FDFT1: variants seen among roughly 807,000 people sequenced by gnomAD.
FDFT1 encodes farnesyl-diphosphate farnesyltransferase 1.
A neutral mutation model predicts 46.8 loss-of-function variants in FDFT1; 68 were observed. That is an observed-to-expected ratio of 1.45 (90% CI 1.19 to 1.78). The LOEUF (loss-of-function observed/expected upper bound fraction) is 1.78, where lower values mean the gene tolerates loss of function less well. Among genes scored for constraint, FDFT1 ranks in the 40% most tolerant of loss-of-function variants. The pLI is 0.00. For missense variants in FDFT1, 928 were observed against 524.4 expected, an observed-to-expected ratio of 1.77 and a Z score of -7.52; for synonymous variants, 351 against 185.1, an observed-to-expected ratio of 1.90 and a Z score of -7.28.
chr8:11,821,142 G>C (rs1809181261), intron 3 of FDFT1, among the ~76,000 whole-genome samples: 1 of 152,172 alleles, frequency 6.6e-6, no homozygotes, highest in African/African-American at 2.4e-5. Context: ...TAAACAAGCT[G>C]TTCTCCCAAA....
chr8:11,802,817 C>A lies in FDFT1; in HGVS notation c.-16C>A. On this transcript the variant is annotated 5_prime_UTR_variant, in exon 1 of 8. Coordinates refer to ENST00000220584, the MANE Select transcript of FDFT1 (RefSeq NM_004462.5). ...GAGGTGAGAGTCGCGCCCGGGAGTC[C>A]GCCGCCTGCGCCAGGATGGAGTTCG... 1 of 1,597,876 alleles carries A rather than the reference C, an allele frequency of 6.3e-7. No homozygotes were observed. Among genetic ancestry groups the A allele is most frequent in the Non-Finnish European group, 8.5e-7 (1 of 1,170,766 alleles).
chr8:11,835,866 G>C (rs1313268226), intron 7 of FDFT1, among the ~76,000 whole-genome samples: 1 of 147,976 alleles, frequency 6.8e-6, no homozygotes, highest in African/African-American at 2.5e-5. Flanking sequence ...GAGCATGGTG[G>C]CTGATGCCTC....
chr8:11,838,435 G>A lies in FDFT1; in HGVS notation c.1080G>A (p.Arg360=). ...PDSDPSSSKT[R]QIISTIRTQN... is the part of the protein sequence containing the mutation. Reference sequence around the variant, plus strand: ...CAGACCCATCTTCTAGCAAAACAAGGCAGATCATCTCCACCATCCGGACGC... The same window carrying A: ...CAGACCCATCTTCTAGCAAAACAAGACAGATCATCTCCACCATCCGGACGC... The change falls in exon 8 of 8, where the codon AGG becomes AGA. Residue 360 remains arginine (R), a synonymous_variant. Coordinates refer to ENST00000220584, the MANE Select transcript of FDFT1 (RefSeq NM_004462.5). The A allele has an allele frequency of 6.2e-7, 1 of 1,612,126 alleles. No individual in the cohort carries two copies. Among genetic ancestry groups the A allele is most frequent in the Non-Finnish European group, 8.5e-7 (1 of 1,179,240 alleles).
chr8:11,836,371 C>T (rs935652646), intron 7 of FDFT1, among the ~76,000 whole-genome samples: 1 of 152,238 alleles, frequency 6.6e-6, no homozygotes, highest in Non-Finnish European at 1.5e-5. Context: ...CTGGACCTTG[C>T]CTTCTGCTCC....
chr8:11,806,332 G>C (rs1806828810), intron 1 of FDFT1, among the ~76,000 whole-genome samples: 1 of 152,168 alleles, frequency 6.6e-6, no homozygotes, highest in African/African-American at 2.4e-5. Flanking sequence ...GAATCAAGCA[G>C]TAGAAATTTT....
At chr8:11,822,485 C>T (rs1809398065) in intron 4 of FDFT1, among the ~76,000 whole-genome samples, 1 of 152,174 alleles carries the variant, frequency 6.6e-6, no homozygotes, top group Non-Finnish European at 1.5e-5. Context: ...CCTAAGTTAA[C>T]AGCATACAAT....
intron 3 of FDFT1, among the ~76,000 whole-genome samples, chr8:11,819,875 G>A (rs1385593248): frequency 6.6e-6 from 1 of 152,126 alleles, no homozygotes; most frequent in Non-Finnish European, 1.5e-5. Flanking sequence ...TGTCCATCCA[G>A]TTTTGTTCCT....
chr8:11,813,560 C>T (rs527271482), intron 3 of FDFT1, among the ~76,000 whole-genome samples: 2 of 152,156 alleles, frequency 1.3e-5, no homozygotes, highest in African/African-American at 4.8e-5. Context: ...ATCAATGAAT[C>T]TGGAAGGTCT....
At chr8:11,807,859 G>A (rs578253675) in intron 1 of FDFT1, 2 of 152,358 alleles carry the variant, frequency 1.3e-5, no homozygotes, top group African/African-American at 4.8e-5. Flanking sequence ...CGGCAAAACA[G>A]ATTTTATTCA....
At chr8:11,821,931 T>G in intron 4 of FDFT1, 53 bp downstream of exon 4, 1 of 1,589,588 alleles carries the variant, frequency 6.3e-7, no homozygotes, top group South Asian at 1.1e-5. Context: ...GAGCTGGCAG[T>G]CCTCATAGTG....
At chr8:11,828,687 G>A (rs915857744) in intron 5 of FDFT1, among the ~76,000 whole-genome samples, 1 of 152,250 alleles carries the variant, frequency 6.6e-6, no homozygotes, top group African/African-American at 2.4e-5. Context: ...GTGGTGGTGT[G>A]AATAAAATGA....
intron 3 of FDFT1, among the ~76,000 whole-genome samples, chr8:11,814,955 G>C (rs929999606): frequency 1.3e-5 from 2 of 151,964 alleles, no homozygotes; most frequent in Non-Finnish European, 2.9e-5. Flanking sequence ...TGCCATGTTG[G>C]TTTGCTACAC....
intron 3 of FDFT1, among the ~76,000 whole-genome samples, chr8:11,811,087 G>T (rs533042460): frequency 6.6e-6 from 1 of 152,028 alleles, no homozygotes; most frequent in East Asian, 1.9e-4. Flanking sequence ...AGAATAATTC[G>T]AGTTTATACA....
upstream of FDFT1, chr8:11,802,724 T>G: frequency 1.2e-6 from 1 of 838,600 alleles, no homozygotes; most frequent in East Asian, 2.7e-5. Flanking sequence ...GCCTGCCCCC[T>G]GTCCGGCCAG....
chr8:11,802,113 A>G (rs1291801652), upstream of FDFT1: 2 of 454,592 alleles, frequency 4.4e-6, no homozygotes, highest in East Asian at 6.9e-5. Flanking sequence ...AGTAAACACT[A>G]GAGAGGGGGC....
chr8:11,807,741 G>A (rs898553048), intron 1 of FDFT1, among the ~76,000 whole-genome samples: 3 of 152,208 alleles, frequency 2.0e-5, no homozygotes, highest in African/African-American at 7.2e-5. Context: ...CATTAATTTC[G>A]AAGGGAAAGA....
At chr8:11,800,457 C>T (rs954233986), upstream of FDFT1, among the ~76,000 whole-genome samples, 6 of 152,084 alleles carry the variant, frequency 3.9e-5, no homozygotes, top group South Asian at 2.1e-4. Flanking sequence ...TTGGCTGGAA[C>T]GGTGCCTCAC....
At chr8:11,822,144 A>T (rs2130815022) in intron 4 of FDFT1, among the ~76,000 whole-genome samples, 1 of 152,352 alleles carries the variant, frequency 6.6e-6, no homozygotes, top group East Asian at 1.9e-4. Context: ...GACCATGAAG[A>T]TTAAAACTAC....
chr8:11,798,643 G>C (rs762266840), upstream of FDFT1, among the ~76,000 whole-genome samples: 1 of 152,230 alleles, frequency 6.6e-6, no homozygotes, highest in Non-Finnish European at 1.5e-5. Context: ...AGATTTAATG[G>C]AAGAGAGATT....
Sources: allele counts gnomAD v4.1 joint callset (sites outside exome capture counted in the v4.1 genomes callset), GRCh38; gene constraint gnomAD v4.1.1; transcripts MANE v1.5; gene names NCBI Gene and HGNC (gene_info 2026-07-23, HGNC 2026-07-21).